Variants in MYL1 observed in about 807,000 individuals in gnomAD.
The protein encoded by MYL1 is myosin light chain 1, also known as myosin light chain 1/3, skeletal muscle isoform.
A neutral mutation model predicts 21.8 loss-of-function variants in MYL1; 16 were observed. That is an observed-to-expected ratio of 0.74 (90% confidence interval 0.50 to 1.12). The LOEUF is 1.12. Among genes scored for constraint, MYL1 ranks in the 50% most tolerant of loss-of-function variants. The probability of loss-of-function intolerance (pLI) is 0.00; values close to 1 mark genes in which losing one functional copy is unlikely to be tolerated. For synonymous variants in MYL1, 99 were observed against 85.2 expected (o/e 1.16, Z -0.89); for missense variants, 246 against 241.0 (o/e 1.02, Z -0.14).
intron 1 of MYL1, among the ~76,000 whole-genome samples, chr2:210,313,697 T>A (rs1444681590): frequency 6.6e-6 from 1 of 152,046 alleles, no homozygotes; most frequent in African/African-American, 2.4e-5. Context: ...AAATTTCATG[T>A]TTAATTGGAA....
chr2:210,309,100 A>G (rs1314509948), intron 1 of MYL1, among the ~76,000 whole-genome samples: 2 of 152,042 alleles, frequency 1.3e-5, no homozygotes. Context: ...TCTAGGCTAT[A>G]GTTTCTTCAG....
At chr2:210,308,886 C>A (rs1228381289) in intron 1 of MYL1, among the ~76,000 whole-genome samples, 3 of 151,258 alleles carry the variant, frequency 2.0e-5, no homozygotes, top group East Asian at 1.9e-4. Flanking sequence ...TTAAAAAATT[C>A]TTTGTGTGTG....
Position 210,315,039 on chromosome 2 carries a change from C to A in MYL1, c.4G>T (p.Ala2Ser). 1 of 1,591,644 alleles carries A rather than the reference C, an allele frequency of 6.3e-7. No individual in the cohort carries two copies. M[A>S]PKKDVKKPVA... ...GGTTTCTTCACGTCTTTCTTTGGTG[C>A]CATTTTTTTTTTTAAAAGGGTGGGT... Residue 2 changes from alanine to serine, a missense_variant, in exon 1 of 7, where the codon GCA becomes TCA. Transcript: ENST00000352451.
chr2:210,313,783 T>C (rs780817467), intron 1 of MYL1, among the ~76,000 whole-genome samples: 8 of 152,120 alleles, frequency 5.3e-5, no homozygotes, highest in Non-Finnish European at 8.8e-5. Context: ...TTTTTGGGAC[T>C]TAAAAAATTC....
chr2:210,302,921 G>A, intron 1 of MYL1: 1 of 886,268 alleles, frequency 1.1e-6, no homozygotes, highest in Admixed American at 2.9e-5. Context: ...TTAGAAGGTT[G>A]CCTTAGGATA....
chr2:210,308,514 C>T (rs1690373240), intron 1 of MYL1, among the ~76,000 whole-genome samples: 1 of 145,014 alleles, frequency 6.9e-6, no homozygotes, highest in African/African-American at 2.6e-5. Flanking sequence ...CCAGTTTCTG[C>T]AATATAAGAG....
intron 1 of MYL1, among the ~76,000 whole-genome samples, chr2:210,306,832 C>G (rs893630142): frequency 6.6e-6 from 1 of 151,804 alleles, no homozygotes; most frequent in African/African-American, 2.4e-5. Flanking sequence ...ATTCTTCTGT[C>G]TGGCTTACTT....
At chr2:210,293,457 C>G (rs920665884) in intron 5 of MYL1, among the ~76,000 whole-genome samples, 2 of 152,160 alleles carry the variant, frequency 1.3e-5, no homozygotes, top group African/African-American at 4.8e-5. Context: ...TCAGCCCTGT[C>G]TAACTCATAG....
intron 1 of MYL1, among the ~76,000 whole-genome samples, chr2:210,314,031 G>T (rs1023734318): frequency 1.3e-5 from 2 of 152,068 alleles, no homozygotes; most frequent in Admixed American, 1.3e-4. Context: ...TGAAGAGAAG[G>T]TGCACATTTA....
chr2:210,312,404 G>T (rs1690429352), intron 1 of MYL1, among the ~76,000 whole-genome samples: 1 of 151,148 alleles, frequency 6.6e-6, no homozygotes, highest in Non-Finnish European at 1.5e-5. Context: ...TTCTCTGCTT[G>T]AAAAAATTGT....
intron 1 of MYL1, among the ~76,000 whole-genome samples, chr2:210,304,962 A>G (rs1382433121): frequency 1.3e-5 from 2 of 152,150 alleles, no homozygotes; most frequent in African/African-American, 2.4e-5. Flanking sequence ...GTACAGGAAA[A>G]GATCCTCCTA....
chr2:210,297,045 A>G (rs1363054267), intron 3 of MYL1, among the ~76,000 whole-genome samples: 1 of 149,396 alleles, frequency 6.7e-6, no homozygotes, highest in Non-Finnish European at 1.5e-5. Flanking sequence ...ATACATATAT[A>G]TAAAATATTT....
intron 2 of MYL1, among the ~76,000 whole-genome samples, chr2:210,299,389 TA>T (rs1280609374): frequency 2.0e-5 from 3 of 152,154 alleles, no homozygotes; most frequent in Non-Finnish European, 4.4e-5. Flanking sequence ...CTTCCAGTAG[TA>T]ACATTTTGCA....
chr2:210,311,617 A>G (rs1337431269), intron 1 of MYL1, among the ~76,000 whole-genome samples: 2 of 152,124 alleles, frequency 1.3e-5, no homozygotes, highest in Admixed American at 1.3e-4. Context: ...TAATGCATGC[A>G]TCATGCAGAA....
Position 210,311,544 on chromosome 2 carries a change from A to G in MYL1, c.132+3367T>C, listed in dbSNP as rs1690420136. Among the ~76,000 whole-genome samples, 3 of 151,916 alleles carry G rather than the reference A, an allele frequency of 2.0e-5. No homozygotes were observed. The South Asian group carries it at 6.2e-4, about 31-fold the overall frequency. ...TTAAGTGGTGAATACGAGAATTAAA[A>G]CTCAAACAGCACAGTGAGAGACATG... On this transcript the variant is annotated intron_variant, in intron 1 of 6. Transcript: ENST00000352451.
At chr2:210,293,476 T>C (rs77830866) in intron 5 of MYL1, among the ~76,000 whole-genome samples, 1,539 of 152,350 alleles carry the variant, frequency 0.01, 30 homozygotes, top group African/African-American at 0.035. Context: ...AGGGATGTTC[T>C]GAAGATCTAA....
intron 1 of MYL1, among the ~76,000 whole-genome samples, chr2:210,308,399 A>AATAT (rs71043988): frequency 0.042 from 3,487 of 83,914 alleles, 164 homozygotes; most frequent in African/African-American, 0.05. Context: ...TACTTAGGCT[A>AATAT]ATATATATAT....
chr2:210,299,934 CT>C (rs1169353540), intron 2 of MYL1, among the ~76,000 whole-genome samples: 1 of 152,008 alleles, frequency 6.6e-6, no homozygotes, highest in Non-Finnish European at 1.5e-5. Context: ...CCTCCCTCCC[CT>C]AATCTAACAT....
At chr2:210,292,616 G>A (rs2125738244) in intron 5 of MYL1, among the ~76,000 whole-genome samples, 1 of 151,482 alleles carries the variant, frequency 6.6e-6, no homozygotes, top group East Asian at 2.0e-4. Flanking sequence ...TTGCCATATA[G>A]ATTTTTTAAA....
Sources: allele counts gnomAD v4.1 joint callset (sites outside exome capture counted in the v4.1 genomes callset), GRCh38; gene constraint gnomAD v4.1.1; transcripts MANE v1.5; gene names NCBI Gene and HGNC (gene_info 2026-07-23, HGNC 2026-07-21).